The following YBX3 variants were observed in gnomAD, a reference collection of about 807,000 sequenced individuals.
The protein encoded by YBX3 is Y-box-binding protein 3.
In YBX3, 29 loss-of-function variants were observed where a neutral mutation model predicts 42.4. The observed-to-expected ratio is 0.68, with a 90% confidence interval of 0.51 to 0.93. The LOEUF (loss-of-function observed/expected upper bound fraction) is 0.93. YBX3 is among the 40% of genes least tolerant of loss of function. YBX3 has a pLI of 0.00. For missense variants in YBX3, 517 were observed against 527.5 expected, an observed-to-expected ratio of 0.98 and a Z score of 0.19; for synonymous variants, 195 against 189.8, an observed-to-expected ratio of 1.03 and a Z score of -0.22.
At chr12:10,712,793 C>T (rs949830388) in intron 5 of YBX3, 4 of 153,814 alleles carry the variant, frequency 2.6e-5, no homozygotes, top group African/African-American at 7.2e-5. Flanking sequence ...CTTAAGTCTT[C>T]CTGTTAAAAG....
intron 5 of YBX3, chr12:10,711,064 T>C (rs947636241): frequency 6.6e-6 from 1 of 152,216 alleles, no homozygotes; most frequent in African/African-American, 2.4e-5. Context: ...GCTTTAATCA[T>C]ACTTTGATGG....
Position 10,701,332 on chromosome 12 carries a change from T to C in YBX3, c.1075A>G (p.Thr359Ala), listed in dbSNP as rs144157666. The C allele has an allele frequency of 3.1e-5, 24 of 780,856 alleles. No homozygotes were observed. The highest frequency in any genetic ancestry group is 5.4e-5 in the South Asian group (4 of 74,624). The allele number at this position is 780,856 out of a possible 1,614,324, so 48.4% of individuals were successfully genotyped here. The change falls in exon 9 of 10, where the codon ACT becomes GCT. Residue 359 changes from threonine (T) to alanine (A), a missense_variant. Thr to Ala is a moderately conservative substitution (Grantham distance 58). Transcript: ENST00000228251. ...GKEAKAGEAP[T>A]ENPAPPTQQS... ...TGGGTGGGTGGAGCAGGGTTCTCAGTTGGTGCTTCACCTGCCTTGGCCTAA... is the reference window on the plus strand; with the variant it reads ...TGGGTGGGTGGAGCAGGGTTCTCAGCTGGTGCTTCACCTGCCTTGGCCTAA...
chr12:10,715,813 T>G, intron 3 of YBX3, 30 bp from the exon 4 acceptor site: 1 of 1,582,910 alleles, frequency 6.3e-7, no homozygotes, highest in Non-Finnish European at 8.7e-7. Context: ...TTTTATTCGA[T>G]GTATATTTCA....
At chr12:10,718,694 C>G (rs1948291397) in intron 2 of YBX3, among the ~76,000 whole-genome samples, 1 of 152,118 alleles carries the variant, frequency 6.6e-6, no homozygotes, top group Non-Finnish European at 1.5e-5. Flanking sequence ...AGGACTGGAC[C>G]AGAAGTGAGT....
At chr12:10,715,908 C>G (rs139375552) in intron 3 of YBX3, 125 bp from the exon 4 acceptor site, 90 of 758,856 alleles carry the variant, frequency 1.2e-4, no homozygotes, top group Admixed American at 1.0e-3. Context: ...TTCCACCATT[C>G]TCCCACTAAG....
At chr12:10,720,393 C>A (rs1948311387) in intron 1 of YBX3, among the ~76,000 whole-genome samples, 2 of 152,194 alleles carry the variant, frequency 1.3e-5, no homozygotes, top group South Asian at 4.1e-4. Flanking sequence ...GTCTTTATAT[C>A]TCCAAAGTTA....
At chr12:10,717,832 A>G in intron 3 of YBX3, 1 of 317,338 alleles carries the variant, frequency 3.2e-6, no homozygotes, top group Non-Finnish European at 5.7e-6. Flanking sequence ...GGCTTTAAAA[A>G]TTAGAAAGTG....
intron 6 of YBX3, chr12:10,704,566 A>C (rs1485256004): frequency 6.5e-6 from 1 of 153,708 alleles, no homozygotes; most frequent in Non-Finnish European, 1.4e-5. Flanking sequence ...AAACCCACCA[A>C]CAATGTCTGC....
chr12:10,719,300 A>C (rs1485002418), intron 1 of YBX3, among the ~76,000 whole-genome samples, 157 bp from the exon 2 acceptor site: 1 of 152,248 alleles, frequency 6.6e-6, no homozygotes, highest in Non-Finnish European at 1.5e-5. Context: ...AAATGGAGCA[A>C]GCCAAGATCT....
chr12:10,722,624 C>A (rs985532335), intron 1 of YBX3, among the ~76,000 whole-genome samples: 2 of 152,240 alleles, frequency 1.3e-5, no homozygotes, highest in African/African-American at 4.8e-5. Context: ...ATGCACACGG[C>A]CGCCAGGAGC....
intron 4 of YBX3, among the ~76,000 whole-genome samples, chr12:10,715,437 T>C (rs1420037201): frequency 6.6e-6 from 1 of 151,808 alleles, no homozygotes; most frequent in Admixed American, 6.6e-5. Context: ...TCCCAGCTAT[T>C]AGGGAGACTG....
At position 10,701,982 on chromosome 12, in the gene YBX3, GC is replaced by G; in HGVS notation, c.1030del (p.Ala344LeufsTer44). 6.2e-7 allele frequency: 1 copy of G among 1,613,488 alleles called. No individual in the cohort carries two copies. The highest frequency in any genetic ancestry group is 1.3e-5 in the African/African-American group (1 of 75,032). On this transcript the variant is annotated frameshift_variant, in exon 8 of 10. Coordinates refer to ENST00000228251, the MANE Select transcript of YBX3 (RefSeq NM_003651.5). LOFTEE classifies it high-confidence loss of function. Reference protein sequence around the residue: ...NYRRRPRPPNAPSQDGKEAKA... With the variant: ...NYRRRPRPPNXPSQDGKEAKA... Reference sequence around the variant, plus strand: ...TACCTCTTTGCCATCTTGTGAAGGAGCGTTAGGAGGACGCGGGCGACGCCGG... The same window carrying G: ...TACCTCTTTGCCATCTTGTGAAGGAGGTTAGGAGGACGCGGGCGACGCCGG...
intron 6 of YBX3, among the ~76,000 whole-genome samples, chr12:10,706,063 G>A (rs1340981052): frequency 1.3e-5 from 2 of 152,146 alleles, no homozygotes; most frequent in Admixed American, 6.6e-5. Context: ...ACGGCTTTCA[G>A]GACCTTTCAG....
At position 10,710,008 on chromosome 12, in the gene YBX3, T is replaced by TGGGGGC. The variant is rs1189681315; in HGVS notation, c.674_679dup (p.Arg225_Pro226dup). 1.2e-6 allele frequency: 2 copies of TGGGGGC among 1,612,324 alleles called. No individual in the cohort carries two copies. Among genetic ancestry groups the TGGGGGC allele is most frequent in the South Asian group, 2.2e-5 (2 of 91,068 alleles). ...CCGCTGCCGGTACTGAGGGCGATACTGGGGGCGGCGCAGCTGATTCCGGGC... is the reference window on the plus strand; with the variant it reads ...CCGCTGCCGGTACTGAGGGCGATACTGGGGGCGGGGGCGGCGCAGCTGATTCCGGGC... On this transcript the variant is annotated inframe_insertion, in exon 6 of 10. Coordinates refer to ENST00000228251, the MANE Select transcript of YBX3 (RefSeq NM_003651.5).
At chr12:10,718,352 C>T (rs182431036) in intron 2 of YBX3, 1 of 464,190 alleles carries the variant, frequency 2.2e-6, no homozygotes, top group East Asian at 3.4e-5. Context: ...AGCTCACAGA[C>T]TCAACATACA....
intron 6 of YBX3, among the ~76,000 whole-genome samples, chr12:10,706,097 C>G (rs1024978993): frequency 1.3e-5 from 2 of 152,226 alleles, no homozygotes; most frequent in Non-Finnish European, 2.9e-5. Flanking sequence ...GGAACACACA[C>G]ACACAATGTT....
At chr12:10,714,932 G>C (rs928315173) in intron 4 of YBX3, among the ~76,000 whole-genome samples, 3 of 151,712 alleles carry the variant, frequency 2.0e-5, no homozygotes, top group Admixed American at 2.0e-4. Context: ...TGTAATTTTA[G>C]TAGAGACGGG....
rs1194238651 is a variant in YBX3 at position 10,723,304 on chromosome 12, GCTC to G, written c.-196_-194del. ...CTTCGTGCTGCGCGCTCTCTCTTGG[GCTC>G]CTCGCTCGATCTTACTGCCCCAAAA... On this transcript the variant is annotated 5_prime_UTR_variant, in exon 1 of 10. Transcript: ENST00000228251. The G allele has an allele frequency of 1.4e-5, 13 of 912,980 alleles. No individual in the cohort carries two copies. The highest frequency in any genetic ancestry group is 1.8e-5 in the Non-Finnish European group (13 of 717,250). 56.6% of individuals were successfully genotyped at this position (912,980 alleles called of 1,614,324 possible). A position where few individuals can be genotyped will look rare whatever the true frequency, so the allele number is the denominator to read the frequency against.
Position 10,704,107 on chromosome 12 carries a change from T to A in YBX3, c.822A>T (p.Gly274=). ...IGEMKDGVPE[G]AQLQGPVHRN... Reference sequence around the variant, plus strand: ...GATGAACCGGTCCCTGAAGTTGTGCTCCCTCTGGGACTCCATCCTTCATCT... The same window carrying A: ...GATGAACCGGTCCCTGAAGTTGTGCACCCTCTGGGACTCCATCCTTCATCT... The change falls in exon 7 of 10, where the codon GGA becomes GGT. Residue 274 remains glycine, a synonymous_variant. Coordinates refer to ENST00000228251, the MANE Select transcript of YBX3 (RefSeq NM_003651.5). 1.9e-6 allele frequency: 3 copies of A among 1,614,164 alleles called. No individual in the cohort carries two copies. Among genetic ancestry groups the A allele is most frequent in the Non-Finnish European group, 2.5e-6 (3 of 1,180,024 alleles).
Sources: allele counts gnomAD v4.1 joint callset (sites outside exome capture counted in the v4.1 genomes callset), GRCh38; gene constraint gnomAD v4.1.1; transcripts MANE v1.5; gene names NCBI Gene and HGNC (gene_info 2026-07-23, HGNC 2026-07-21).